NRL: variants seen among roughly 807,000 people sequenced by gnomAD.
NRL encodes neural retina leucine zipper.
Under a neutral mutation model 12.5 loss-of-function variants are expected in NRL, and 16 were observed. The observed-to-expected ratio is 1.28, with a 90% CI of 0.87 to 1.95. The LOEUF is 1.95. Among genes scored for constraint, NRL ranks in the 30% most tolerant of loss-of-function variants. The pLI is 0.00. For missense variants in NRL, 314 were observed against 325.8 expected (o/e 0.96, Z 0.28); for synonymous variants, 142 against 150.9 (o/e 0.94, Z 0.43).
At chr14:24,098,513 G>A (rs2037003899) in intron 1 of NRL, 1 of 1,614,174 alleles carries the variant, frequency 6.2e-7, no homozygotes, top group African/African-American at 1.3e-5. Flanking sequence ...CATGGGTCCT[G>A]TGGGCTCCCC....
At chr14:24,108,850 A>G (rs573686044) in intron 1 of NRL, among the ~76,000 whole-genome samples, 111 of 152,332 alleles carry the variant, frequency 7.3e-4, no homozygotes, top group African/African-American at 2.1e-3. Flanking sequence ...CACATGTATG[A>G]GCATCAGTCA....
intron 1 of NRL, among the ~76,000 whole-genome samples, chr14:24,086,307 T>G (rs995485908): frequency 3.9e-5 from 6 of 152,230 alleles, no homozygotes; most frequent in Non-Finnish European, 8.8e-5. Flanking sequence ...TATATATGTC[T>G]GTCTGTGCAT....
intron 1 of NRL, among the ~76,000 whole-genome samples, chr14:24,101,821 A>C (rs1015625467): frequency 6.0e-5 from 9 of 150,432 alleles, no homozygotes; most frequent in African/African-American, 2.2e-4. Flanking sequence ...CTCAGGAGGC[A>C]GGAAAATTGC....
In NRL at chr14:24,103,058, C is replaced by A; in HGVS notation, c.-28+11664G>T. 1.4e-5 allele frequency: 17 copies of A among 1,203,518 alleles called. No homozygotes were observed. The South Asian group carries it at 2.0e-4, about 14-fold the overall frequency. 74.6% of individuals were successfully genotyped at this position (1,203,518 alleles called of 1,614,324 possible). On this transcript the variant is annotated intron_variant, in intron 1 of 2. Coordinates refer to ENST00000561028, the MANE Select transcript of NRL (RefSeq NM_001354768.3). ...GGCAAAGGGTCTGAAAATGGGATAGCCGAGGTCTTAGGAGAGAGAGTACCA... is the reference window on the plus strand; with the variant it reads ...GGCAAAGGGTCTGAAAATGGGATAGACGAGGTCTTAGGAGAGAGAGTACCA...
chr14:24,102,593 TGC>T (rs1022818102), intron 1 of NRL: 2 of 629,496 alleles, frequency 3.2e-6, no homozygotes, highest in African/African-American at 3.7e-5. Context: ...CTCTTGGAGA[TGC>T]CCTGGCTCCC....
intron 1 of NRL, among the ~76,000 whole-genome samples, chr14:24,108,448 T>A (rs1457521983): frequency 6.6e-6 from 1 of 151,946 alleles, no homozygotes; most frequent in East Asian, 1.9e-4. Flanking sequence ...AATGATCCTC[T>A]TGCCTCAGCC....
chr14:24,099,039 T>C (rs768335122), intron 1 of NRL: 11 of 1,591,974 alleles, frequency 6.9e-6, no homozygotes, highest in South Asian at 2.2e-5. Context: ...CATGACCCCA[T>C]TGTCCCCAGG....
intron 1 of NRL, among the ~76,000 whole-genome samples, chr14:24,089,228 C>T (rs1200755110): frequency 1.3e-5 from 2 of 151,852 alleles, no homozygotes; most frequent in Admixed American, 6.6e-5. Flanking sequence ...TGAGCCACTG[C>T]GCCGACCCTG....
intron 1 of NRL, chr14:24,104,082 T>C (rs2037283365): frequency 2.9e-6 from 2 of 681,832 alleles, no homozygotes; most frequent in East Asian, 5.4e-5. Flanking sequence ...CCATAGACCT[T>C]CCCACAAAGA....
At chr14:24,092,032 T>C (rs960951467) in intron 1 of NRL, among the ~76,000 whole-genome samples, 1 of 152,240 alleles carries the variant, frequency 6.6e-6, no homozygotes, top group Non-Finnish European at 1.5e-5. Flanking sequence ...AATGACTCTT[T>C]AAGCCCGTGT....
chr14:24,114,385 C>T (rs1029567007), intron 1 of NRL: 1 of 152,526 alleles, frequency 6.6e-6, no homozygotes, highest in African/African-American at 2.4e-5. Context: ...AGGGCAGAAC[C>T]GACTGGAGCT....
At position 24,088,652 on chromosome 14, in the gene NRL, C is replaced by CTTT. The variant is rs549787856; in HGVS notation, c.-27-5780_-27-5778dup. 2.1e-3 allele frequency among the ~76,000 whole-genome samples: 288 copies of CTTT among 137,672 alleles called. 2 individuals carry two copies. Among genetic ancestry groups the CTTT allele is most frequent in the African/African-American group, 7.4e-3 (279 of 37,574 alleles). The allele number at this position is 137,672 out of a possible 152,430, so 90.3% of individuals were successfully genotyped here. On this transcript the variant is annotated intron_variant, in intron 1 of 2. Coordinates refer to ENST00000561028, the MANE Select transcript of NRL (RefSeq NM_001354768.3). ...TAACAGTTTGTTAGCCTGAATTATACTTTTTTTTTTTTTTTTTTGAGATAG... is the reference window on the plus strand; with the variant it reads ...TAACAGTTTGTTAGCCTGAATTATACTTTTTTTTTTTTTTTTTTTTTGAGATAG...
At chr14:24,103,569 C>T (rs145806445) in intron 1 of NRL, 2 of 1,585,182 alleles carry the variant, frequency 1.3e-6, no homozygotes, top group Non-Finnish European at 1.7e-6. Flanking sequence ...CAACTTCGGG[C>T]ACTACCTGGA....
At chr14:24,082,923 C>T in intron 1 of NRL, 48 bp from the exon 2 acceptor site, 1 of 1,520,954 alleles carries the variant, frequency 6.6e-7, no homozygotes, top group South Asian at 1.3e-5. Flanking sequence ...CACCTGCCAT[C>T]CCCTCTTCAC....
intron 1 of NRL, among the ~76,000 whole-genome samples, chr14:24,111,260 T>C (rs1164120330): frequency 2.0e-5 from 3 of 152,240 alleles, no homozygotes; most frequent in African/African-American, 7.2e-5. Flanking sequence ...ATTACAGTCG[T>C]AAGCCACCGT....
At chr14:24,103,753 C>A in intron 1 of NRL, 1 of 1,614,188 alleles carries the variant, frequency 6.2e-7, no homozygotes, top group Non-Finnish European at 8.5e-7. Flanking sequence ...GCCCGAGAGA[C>A]ACCCATTGGG....
intron 1 of NRL, among the ~76,000 whole-genome samples, chr14:24,105,232 T>A (rs1235641974): frequency 2.6e-5 from 4 of 152,386 alleles, no homozygotes; most frequent in African/African-American, 9.6e-5. Context: ...TTGTTTATGG[T>A]TTAAGAATAC....
rs764462511 is a variant in NRL, at chr14:24,081,233, G to A, written c.*3C>T. ...CACTACACCACAAGGTGCTCTGAAC[G>A]GCTCAGAGGAAGAGGTGGGAGGGGT... On this transcript the variant is annotated 3_prime_UTR_variant, in exon 3 of 3. Coordinates refer to ENST00000561028, the MANE Select transcript of NRL (RefSeq NM_001354768.3). This position sits in a 1 kb window ranked among gnomAD's most constrained non-coding sequence, Gnocchi z 4.4. The A allele has an allele frequency of 2.0e-5, 30 of 1,478,596 alleles. No homozygotes were observed. The highest frequency in any genetic ancestry group is 6.8e-5 in the South Asian group (5 of 73,966). The allele number at this position is 1,478,596 out of a possible 1,614,324, so 91.6% of individuals were successfully genotyped here.
At chr14:24,093,894 CAGG>C (rs1225777402) in intron 1 of NRL, among the ~76,000 whole-genome samples, 1 of 152,144 alleles carries the variant, frequency 6.6e-6, no homozygotes, top group Non-Finnish European at 1.5e-5. Flanking sequence ...GTCGCGTCCC[CAGG>C]AGGAGGAACT....
Sources: allele counts gnomAD v4.1 joint callset (sites outside exome capture counted in the v4.1 genomes callset), GRCh38; gene constraint gnomAD v4.1.1; non-coding constraint Gnocchi (gnomAD v3.1); transcripts MANE v1.5; gene names NCBI Gene and HGNC (gene_info 2026-07-23, HGNC 2026-07-21).